Variants in DYSF observed in about 807,000 individuals in gnomAD.
DYSF encodes the protein dysferlin, also known as dystrophy-associated fer-1-like 1.
In DYSF, 212 loss-of-function variants were observed where a neutral mutation model predicts 274.9. That is an observed-to-expected ratio of 0.77 (90% confidence interval 0.69 to 0.86). The LOEUF is 0.86. DYSF is among the 40% of genes least tolerant of loss of function. The pLI is 0.00. For synonymous variants in DYSF, 1,091 were observed against 1,078.7 expected (o/e 1.01, Z -0.22); for missense variants, 2,666 against 2,783.2 (o/e 0.96, Z 0.95).
intron 1 of DYSF, among the ~76,000 whole-genome samples, chr2:71,469,607 T>C (rs1465940551): frequency 1.3e-5 from 2 of 152,108 alleles, no homozygotes; most frequent in African/African-American, 4.8e-5. Context: ...GTTCCCTGTC[T>C]CGGATGTAAT....
intron 30 of DYSF, among the ~76,000 whole-genome samples, chr2:71,580,690 C>A (rs2092863764): frequency 6.6e-6 from 1 of 152,186 alleles, no homozygotes. Context: ...AGCACCTGTT[C>A]TATACCTGGC....
intron 17 of DYSF, among the ~76,000 whole-genome samples, chr2:71,546,152 C>T (rs998020692): frequency 6.6e-6 from 1 of 152,260 alleles, no homozygotes; most frequent in African/African-American, 2.4e-5. Flanking sequence ...GCCTTGAGGT[C>T]GGGCCCTTGC....
At chr2:71,477,870 G>A (rs1007141317) in intron 1 of DYSF, among the ~76,000 whole-genome samples, 2 of 152,084 alleles carry the variant, frequency 1.3e-5, no homozygotes, top group Non-Finnish European at 2.9e-5. Flanking sequence ...TATTAAAATA[G>A]GCCTCCCTTT....
chr2:71,643,182 C>T (rs1357311513), intron 41 of DYSF, among the ~76,000 whole-genome samples: 1 of 152,112 alleles, frequency 6.6e-6, no homozygotes. Context: ...GACACCAGAG[C>T]TAAGAGGGCC....
intron 54 of DYSF, 95 bp downstream of exon 54, chr2:71,681,205 C>T (rs2095292386): frequency 8.2e-7 from 1 of 1,215,254 alleles, no homozygotes; most frequent in Non-Finnish European, 1.2e-6. Flanking sequence ...GTAGAAGTCA[C>T]AAAGCCCACG....
At chr2:71,569,000 G>A (rs1286798857) in intron 26 of DYSF, among the ~76,000 whole-genome samples, 1 of 152,148 alleles carries the variant, frequency 6.6e-6, no homozygotes. Flanking sequence ...AGCCTCCTGA[G>A]TAGCTGGGAC....
chr2:71,568,557 T>TA (rs201345885), intron 26 of DYSF, among the ~76,000 whole-genome samples: 4,043 of 148,946 alleles, frequency 0.027, 51 homozygotes, highest in Middle Eastern at 0.066. Flanking sequence ...TTCTTTTCAT[T>TA]AAAAAAATTT....
At chr2:71,674,325 G>T (rs1319112584) in intron 52 of DYSF, 29 bp downstream of exon 52, 1 of 1,600,830 alleles carries the variant, frequency 6.2e-7, no homozygotes, top group South Asian at 1.1e-5. Flanking sequence ...ATCCCATTCT[G>T]CACATGGGGG....
intron 23 of DYSF, among the ~76,000 whole-genome samples, chr2:71,562,726 G>A (rs1302948748): frequency 3.9e-5 from 6 of 152,186 alleles, no homozygotes; most frequent in Admixed American, 6.5e-5. Context: ...GGAAGCTGTG[G>A]AAGGGGAGAG....
chr2:71,686,425 A>G (rs2095357468), intron 55 of DYSF, 29 bp from the exon 56 acceptor site: 2 of 1,613,620 alleles, frequency 1.2e-6, no homozygotes, highest in East Asian at 2.2e-5. Flanking sequence ...TGGGATCACC[A>G]TGGGTCCCTG....
rs182555653 is a variant in DYSF at position 71,481,932 on chromosome 2, T to C, written c.201T>C (p.His67=). 3 of 1,614,132 alleles carry C rather than the reference T, an allele frequency of 1.9e-6. No homozygotes were observed. Among genetic ancestry groups the C allele is most frequent in the Admixed American group, 1.7e-5 (1 of 60,024 alleles). The part of the protein sequence containing the change: ...GIPLDQGSEL[H]VVVKDHETMG... The stretch of plus-strand genomic sequence containing the variant: ...CCCTGGACCAGGGCTCTGAGCTTCA[T>C]GTGGTGGTCAAAGACCATGAGACGA... The change falls in exon 3 of 56, where the codon CAT becomes CAC. Residue 67 remains histidine, a synonymous_variant. Coordinates refer to ENST00000410020, the MANE Select transcript of DYSF (RefSeq NM_001130987.2).
chr2:71,624,673 G>T (rs527284729), intron 41 of DYSF, among the ~76,000 whole-genome samples: 1 of 151,900 alleles, frequency 6.6e-6, no homozygotes, highest in Non-Finnish European at 1.5e-5. Flanking sequence ...AAAAATGACC[G>T]ACAATCATGT....
chr2:71,469,183 G>A (rs1185500160), intron 1 of DYSF, among the ~76,000 whole-genome samples: 1 of 152,106 alleles, frequency 6.6e-6, no homozygotes, highest in Non-Finnish European at 1.5e-5. Flanking sequence ...AAATTAATGC[G>A]CTCCCCATTG....
At position 71,679,666 on chromosome 2, in the gene DYSF, C is replaced by T. The variant is rs1036061157; in HGVS notation, c.6063+431C>T. ...GGGTGACTGGAGGGCCCGAGAGAAC[C>T]GTCCTTCCCCTGAGTCCACAGCAGC... On this transcript the variant is annotated intron_variant, in intron 53 of 55. Transcript: ENST00000410020. 1.1e-4 allele frequency among the ~76,000 whole-genome samples: 16 copies of T among 152,112 alleles called. 1 individual carries two copies. The highest frequency in any genetic ancestry group is 2.0e-4 in the Admixed American group (3 of 15,272).
At chr2:71,631,760 C>T (rs1298688314) in intron 41 of DYSF, among the ~76,000 whole-genome samples, 1 of 152,044 alleles carries the variant, frequency 6.6e-6, no homozygotes, top group African/African-American at 2.4e-5. Flanking sequence ...ATATTGGATC[C>T]TCGTTGCCGG....
chr2:71,643,977 A>G lies in DYSF; in HGVS notation c.4540A>G (p.Ile1514Val), dbSNP rs767309227. ...TCTACCCACTCAGGAGGAAGAGTTC[A>G]TCGATTGGTGGAGCAAATTCTTTGC... ...PPSSPHEEEF[I>V]DWWSKFFASI... Residue 1514 changes from isoleucine (I) to valine (V), a missense_variant, in exon 42 of 56, where the codon ATC becomes GTC. Ile to Val is a conservative substitution (Grantham distance 29, BLOSUM62 3). This residue lies in a region of DYSF where 1,460 missense variants were observed against 1,502.1 expected (regional missense o/e 0.97). Coordinates refer to ENST00000410020, the MANE Select transcript of DYSF (RefSeq NM_001130987.2). 9.9e-6 allele frequency: 16 copies of G among 1,610,552 alleles called. No individual in the cohort carries two copies. The South Asian group carries it at 1.2e-4, about 12-fold the overall frequency.
chr2:71,526,289 G>A lies in DYSF; in HGVS notation c.1219G>A (p.Ala407Thr), dbSNP rs1559079525. The A allele has an allele frequency of 1.2e-6, 2 of 1,614,244 alleles. No homozygotes were observed. The highest frequency in any genetic ancestry group is 8.5e-7 in the Non-Finnish European group (1 of 1,180,038). ...CAACCTGCTCCGGCCCACAGGCGTA[G>A]CCCTGCGAGGAGCCCACTTCTGCCT... Reference protein sequence around the residue: ...ESNLLRPTGVALRGAHFCLKV... With the variant: ...ESNLLRPTGVTLRGAHFCLKV... Residue 407 changes from alanine (A) to threonine (T), a missense_variant, in exon 13 of 56, where the codon GCC (alanine) becomes ACC (threonine). Physicochemically the swap from Ala to Thr is moderately conservative, Grantham distance 58. Transcript: ENST00000410020.
At position 71,553,194 on chromosome 2, in the gene DYSF, G is replaced by T. The variant is rs2091080559; in HGVS notation, c.1984+6G>T. The T allele has an allele frequency of 2.5e-6, 4 of 1,613,966 alleles. No individual in the cohort carries two copies. The highest frequency in any genetic ancestry group is 3.4e-6 in the Non-Finnish European group (4 of 1,180,022). On this transcript the variant is annotated splice_donor_region_variant and intron_variant, in intron 20 of 55. Coordinates refer to ENST00000410020, the MANE Select transcript of DYSF (RefSeq NM_001130987.2). ...CAGCCGTGCAGTCTTTGACGGTGAG[G>T]CAGTGCTCCTGGCTGGGACCCCGAT...
intron 13 of DYSF, 134 bp downstream of exon 13, chr2:71,526,480 C>G: frequency 1.5e-6 from 2 of 1,315,806 alleles, no homozygotes; most frequent in South Asian, 1.5e-5. Context: ...CAGAATTTAA[C>G]GAAAAGTAAT....
Sources: gnomAD v4.1 joint callset for allele counts (sites outside exome capture counted in the v4.1 genomes callset) on GRCh38, gnomAD v4.1.1 for gene constraint, gnomAD v4.1.1 regional missense constraint, MANE v1.5 for transcripts, NCBI Gene and HGNC (gene_info 2026-07-23, HGNC 2026-07-21) for gene names.